The following P2RY8 variants were observed in gnomAD, a reference collection of about 807,000 sequenced individuals.
P2RY8 encodes S-geranylgeranyl-glutathione receptor P2RY8.
P2RY8 carries 6 observed loss-of-function variants against 10.0 expected under a neutral mutation model. The observed-to-expected ratio is 0.60, with a 90% CI of 0.33 to 1.19. The LOEUF (loss-of-function observed/expected upper bound fraction) is 1.19. P2RY8 is among the 50% of genes most tolerant of loss of function. The pLI is 0.04. For missense variants in P2RY8, 456 were observed against 542.0 expected (o/e 0.84, Z 1.58); for synonymous variants, 276 against 252.5 (o/e 1.09, Z -0.88).
chrX:1,526,044 A>T (rs1401959170), intron 1 of P2RY8, among the ~76,000 whole-genome samples: 2 of 151,902 alleles, frequency 1.3e-5, no homozygotes, highest in Non-Finnish European at 2.9e-5. Flanking sequence ...CCAGCCGCTC[A>T]TCCATCCATC....
intron 1 of P2RY8, among the ~76,000 whole-genome samples, chrX:1,498,005 C>T (rs1453132404): frequency 6.6e-6 from 1 of 152,004 alleles, no homozygotes; most frequent in Non-Finnish European, 1.5e-5. Context: ...ACACGGAGAG[C>T]ATGAAGGATA....
intron 1 of P2RY8, among the ~76,000 whole-genome samples, chrX:1,509,430 TATC>T (rs1276563337): frequency 6.9e-6 from 1 of 145,252 alleles, no homozygotes; most frequent in Admixed American, 6.9e-5. Context: ...ATTATCTATC[TATC>T]ATCTATGTAT....
intron 1 of P2RY8, among the ~76,000 whole-genome samples, chrX:1,513,574 C>T (rs2092316294): frequency 6.6e-6 from 1 of 150,484 alleles, no homozygotes; most frequent in African/African-American, 2.4e-5. Context: ...GCTGTCATTG[C>T]ATTTTGGGCC....
chrX:1,521,399 C>T (rs1470291210), intron 1 of P2RY8, among the ~76,000 whole-genome samples: 1 of 150,870 alleles, frequency 6.6e-6, no homozygotes, highest in Admixed American at 6.6e-5. Context: ...ATCTCTGGTC[C>T]CCAATATTCT....
intron 1 of P2RY8, among the ~76,000 whole-genome samples, chrX:1,511,942 C>G (rs2092300053): frequency 6.6e-6 from 1 of 152,142 alleles, no homozygotes; most frequent in South Asian, 2.1e-4. Flanking sequence ...TTCTGGAATT[C>G]CAGGTGAGCA....
At chrX:1,486,814 C>T (rs2091990098) in intron 1 of P2RY8, among the ~76,000 whole-genome samples, 1 of 152,210 alleles carries the variant, frequency 6.6e-6, no homozygotes, top group African/African-American at 2.4e-5. Context: ...CCTTCCCCTA[C>T]ACCCTCCTGG....
intron 1 of P2RY8, among the ~76,000 whole-genome samples, chrX:1,478,050 G>A (rs5990009): frequency 0.53 from 80,393 of 151,752 alleles, 21,530 homozygotes; most frequent in South Asian, 0.65. Context: ...GAAGACAGAT[G>A]GAACATGAGC....
At position 1,466,368 on chromosome X, in the gene P2RY8, T is replaced by C; in HGVS notation, c.191A>G (p.Asn64Ser). 1 of 1,613,738 alleles carries C rather than the reference T, an allele frequency of 6.2e-7. No individual in the cohort carries two copies. The highest frequency in any genetic ancestry group is 1.3e-5 in the African/African-American group (1 of 75,000). Reference sequence around the variant, plus strand: ...CAGCATCAGGTCCGTGACGCTCAGGTTGATCATGAAGATGACCGACGGGGA... The same window carrying C: ...CAGCATCAGGTCCGTGACGCTCAGGCTGATCATGAAGATGACCGACGGGGA... ...PRSPSVIFMI[N>S]LSVTDLMLAS... The change falls in exon 2 of 2, where the codon AAC becomes AGC. Residue 64 changes from asparagine (N) to serine (S), a missense_variant. Physicochemically the swap from Asn to Ser is conservative, Grantham distance 46. Transcript: ENST00000381297.
intron 1 of P2RY8, among the ~76,000 whole-genome samples, chrX:1,475,645 T>G (rs1227372812): frequency 2.0e-5 from 3 of 149,672 alleles, no homozygotes; most frequent in African/African-American, 7.4e-5. Flanking sequence ...GGAAGAACCT[T>G]AAAAGAAAGA....
At chrX:1,501,138 C>T (rs1360736001) in intron 1 of P2RY8, among the ~76,000 whole-genome samples, 1 of 152,146 alleles carries the variant, frequency 6.6e-6, no homozygotes, top group African/African-American at 2.4e-5. Flanking sequence ...CAGAGCTGGC[C>T]GGAGAGTCCC....
intron 1 of P2RY8, among the ~76,000 whole-genome samples, chrX:1,530,141 GTATGTATGTATGTATGATCTATC>G (rs2092462742): frequency 1.8e-4 from 1 of 5,496 alleles, no homozygotes; most frequent in African/African-American, 2.0e-4. Context: ...ATGTATGTAT[GTATGTATGTATGTATGATCTATC>G]TATCTATCTA....
At chrX:1,470,174 C>T (rs1216460753) in intron 1 of P2RY8, among the ~76,000 whole-genome samples, 1 of 151,412 alleles carries the variant, frequency 6.6e-6, no homozygotes, top group Non-Finnish European at 1.5e-5. Flanking sequence ...GCCTGGCCAA[C>T]ATGGTGAAAT....
chrX:1,476,035 T>G (rs368990081), intron 1 of P2RY8, among the ~76,000 whole-genome samples: 3 of 152,284 alleles, frequency 2.0e-5, no homozygotes, highest in African/African-American at 7.2e-5. Flanking sequence ...TCTTGACCTT[T>G]GACATGTGGA....
intron 1 of P2RY8, among the ~76,000 whole-genome samples, chrX:1,497,228 AAAAAAAAAGAAAAG>A (rs1476001682): frequency 1.7e-5 from 2 of 115,978 alleles, no homozygotes; most frequent in African/African-American, 2.7e-5. Context: ...TCTCAAAAAA[AAAAAAAAAGAAAAG>A]AAAAAGAAAA....
At chrX:1,471,542 C>T (rs1293849371) in intron 1 of P2RY8, among the ~76,000 whole-genome samples, 2 of 149,000 alleles carry the variant, frequency 1.3e-5, no homozygotes, top group Non-Finnish European at 3.0e-5. Flanking sequence ...CCTGACCTCC[C>T]ATGATCTGCC....
At chrX:1,508,251 G>A (rs1317759309) in intron 1 of P2RY8, among the ~76,000 whole-genome samples, 1 of 152,162 alleles carries the variant, frequency 6.6e-6, no homozygotes, top group African/African-American at 2.4e-5. Flanking sequence ...CATTAACCAG[G>A]CTGAGTGTTG....
At position 1,465,563 on chromosome X, in the gene P2RY8, G is replaced by T; in HGVS notation, c.996C>A (p.Ser332=). 6.2e-7 allele frequency: 1 copy of T among 1,612,702 alleles called. No individual in the cohort carries two copies. Among genetic ancestry groups the T allele is most frequent in the South Asian group, 1.1e-5 (1 of 91,056 alleles). Residue 332 remains serine, a synonymous_variant, in exon 2 of 2, where the codon TCC becomes TCA. Transcript: ENST00000381297. ...GGTGCGCACCGGCCTCGGAGCGCACGGACGTGGTCCTGGCGGAGAAGAGGC... is the reference window on the plus strand; with the variant it reads ...GGTGCGCACCGGCCTCGGAGCGCACTGACGTGGTCCTGGCGGAGAAGAGGC... ...RESLFSARTT[S]VRSEAGAHPE... is the part of the protein sequence containing the mutation.
intron 1 of P2RY8, among the ~76,000 whole-genome samples, chrX:1,486,178 A>G (rs2091984311): frequency 6.6e-6 from 1 of 152,242 alleles, no homozygotes; most frequent in South Asian, 2.1e-4. Context: ...AGATCATGCC[A>G]TTGCACTCCA....
At chrX:1,514,878 C>T in intron 1 of P2RY8, among the ~76,000 whole-genome samples, 1 of 34,738 alleles carries the variant, frequency 2.9e-5, no homozygotes, top group South Asian at 1.5e-3. Flanking sequence ...CTTCCCCTGT[C>T]TTCCTCTCCC....
Sources: allele counts gnomAD v4.1 joint callset (sites outside exome capture counted in the v4.1 genomes callset), GRCh38; gene constraint gnomAD v4.1.1; transcripts MANE v1.5; gene names NCBI Gene and HGNC (gene_info 2026-07-23, HGNC 2026-07-21).